The following ABCC9 variants were observed in gnomAD, a reference collection of about 807,000 sequenced individuals.
ABCC9 encodes ATP binding cassette subfamily C member 9, also known as ATP-binding cassette sub-family C member 9.
In ABCC9, 95 loss-of-function variants were observed where a neutral mutation model predicts 188.3. The observed-to-expected ratio is 0.50, with a 90% CI of 0.43 to 0.60. ABCC9 has a LOEUF of 0.60. Ranked by LOEUF, ABCC9 falls within the 20% of genes least tolerant of loss-of-function variation. The pLI is 0.00. For synonymous variants in ABCC9, 659 were observed against 652.7 expected, an observed-to-expected ratio of 1.01 and a Z score of -0.15; for missense variants, 1,102 against 1,876.3, an observed-to-expected ratio of 0.59 and a Z score of 7.62.
chr12:21,820,142 G>T (rs2544449), intron 31 of ABCC9, among the ~76,000 whole-genome samples: 152,288 of 152,288 alleles, frequency 1, 76,144 homozygotes, highest in Non-Finnish European at 1. Flanking sequence ...TATACATTTG[G>T]ATTTCCATAT....
At chr12:21,932,072 A>G (rs1949311788) in intron 4 of ABCC9, among the ~76,000 whole-genome samples, 1 of 152,140 alleles carries the variant, frequency 6.6e-6, no homozygotes, top group East Asian at 1.9e-4. Flanking sequence ...TTTCCTATCA[A>G]AAAATTTAAA....
chr12:21,938,497 C>G (rs1949580666), intron 2 of ABCC9, among the ~76,000 whole-genome samples: 1 of 152,070 alleles, frequency 6.6e-6, no homozygotes, highest in African/African-American at 2.4e-5. Context: ...CAGACAAAAA[C>G]AAAACTAAAA....
At chr12:21,911,574 TTTTG>T (rs765872440) in intron 8 of ABCC9, among the ~76,000 whole-genome samples, 1 of 152,004 alleles carries the variant, frequency 6.6e-6, no homozygotes, top group Non-Finnish European at 1.5e-5. Flanking sequence ...CAAAATTGAT[TTTTG>T]TTTGTAACAA....
chr12:21,827,742 A>G (rs1943471333), intron 31 of ABCC9, among the ~76,000 whole-genome samples: 1 of 152,212 alleles, frequency 6.6e-6, no homozygotes, highest in African/African-American at 2.4e-5. Context: ...CAACTGTCAC[A>G]GCTACCTGGA....
At chr12:21,818,061 C>T (rs1278496499) in intron 32 of ABCC9, 89 bp downstream of exon 32, 7 of 844,678 alleles carry the variant, frequency 8.3e-6, no homozygotes, top group African/African-American at 1.7e-5. Context: ...TCTCTGTGCT[C>T]ATGTGTTCTC....
At chr12:21,918,454 GA>G (rs1351550841) in intron 5 of ABCC9, among the ~76,000 whole-genome samples, 1 of 152,044 alleles carries the variant, frequency 6.6e-6, no homozygotes, top group Admixed American at 6.6e-5. Flanking sequence ...AAAACAAAGA[GA>G]AATGAATTTG....
intron 30 of ABCC9, 47 bp downstream of exon 30, chr12:21,838,031 G>T (rs1349036640): frequency 1.5e-6 from 2 of 1,375,394 alleles, no homozygotes; most frequent in Non-Finnish European, 2.1e-6. Context: ...AATATTTGTT[G>T]ATGATGTTAT....
rs139342267 is a variant in ABCC9, at chr12:21,835,920, C to T, written c.3566+2158G>A. ...AGACTCATGAACTCCTTCTCCAATCCTCCACATCATCTTCAATTTCCTAAC... is the reference window on the plus strand; with the variant it reads ...AGACTCATGAACTCCTTCTCCAATCTTCCACATCATCTTCAATTTCCTAAC... On this transcript the variant is annotated intron_variant, in intron 30 of 39. Transcript: ENST00000261200. 8.0e-4 allele frequency among the ~76,000 whole-genome samples: 122 copies of T among 152,288 alleles called. 1 individual carries two copies. The highest frequency in any genetic ancestry group is 2.9e-3 in the African/African-American group (120 of 41,564).
intron 31 of ABCC9, among the ~76,000 whole-genome samples, chr12:21,825,835 C>T (rs927308879): frequency 2.0e-5 from 3 of 151,968 alleles, no homozygotes; most frequent in Non-Finnish European, 2.9e-5. Context: ...GTTCGGAGAA[C>T]GTCCCAAATT....
chr12:21,936,836 C>T, intron 2 of ABCC9, 142 bp from the exon 3 acceptor site: 1 of 621,258 alleles, frequency 1.6e-6, no homozygotes, highest in Non-Finnish European at 2.7e-6. Flanking sequence ...AAACTCTGTG[C>T]CAAAGCAACT....
intron 12 of ABCC9, among the ~76,000 whole-genome samples, chr12:21,903,255 A>C (rs1481943346): frequency 1.3e-5 from 2 of 152,234 alleles, no homozygotes; most frequent in African/African-American, 4.8e-5. Flanking sequence ...AAATCTCAAT[A>C]AATTGGTATT....
chr12:21,922,573 C>G (rs924885119), intron 5 of ABCC9, among the ~76,000 whole-genome samples: 1 of 151,636 alleles, frequency 6.6e-6, no homozygotes, highest in African/African-American at 2.4e-5. Flanking sequence ...GTAAAGTTAA[C>G]AAGACATGAA....
intron 18 of ABCC9, among the ~76,000 whole-genome samples, chr12:21,864,915 T>A (rs1348144993): frequency 2.0e-5 from 3 of 152,132 alleles, no homozygotes; most frequent in Non-Finnish European, 2.9e-5. Flanking sequence ...GCAGAAATAC[T>A]TTTTGGGCAC....
At chr12:21,808,778 CAAAAAAA>C (rs34314026) in intron 37 of ABCC9, among the ~76,000 whole-genome samples, 23 of 80,496 alleles carry the variant, frequency 2.9e-4, no homozygotes, top group African/African-American at 8.5e-4. Context: ...GAACTTGTCT[CAAAAAAA>C]AAAAAAAAAA....
intron 22 of ABCC9, among the ~76,000 whole-genome samples, chr12:21,856,118 A>C (rs1156648539): frequency 1.3e-5 from 2 of 152,212 alleles, no homozygotes; most frequent in East Asian, 3.8e-4. Flanking sequence ...AGGTCACAGA[A>C]CTATCATTTA....
intron 18 of ABCC9, among the ~76,000 whole-genome samples, 175 bp from the exon 19 acceptor site, chr12:21,864,652 T>A (rs1435379311): frequency 9.9e-5 from 15 of 152,182 alleles, no homozygotes; most frequent in Non-Finnish European, 1.8e-4. Context: ...CTTCTTTATG[T>A]CTTCATCAGC....
chr12:21,901,067 A>G (rs949990853), intron 12 of ABCC9, among the ~76,000 whole-genome samples: 1 of 149,820 alleles, frequency 6.7e-6, no homozygotes, highest in African/African-American at 2.5e-5. Context: ...AGGTCGGGTT[A>G]CCCACAAAGA....
At chr12:21,925,897 A>C (rs770383540) in intron 5 of ABCC9, 45 bp downstream of exon 5, 3 of 1,583,948 alleles carry the variant, frequency 1.9e-6, no homozygotes, top group South Asian at 1.1e-5. Flanking sequence ...GGGGGGAAAA[A>C]CAAATATCTC....
intron 3 of ABCC9, among the ~76,000 whole-genome samples, chr12:21,934,613 C>T (rs1395312046): frequency 6.7e-6 from 1 of 149,912 alleles, no homozygotes; most frequent in African/African-American, 2.4e-5. Context: ...AGTTTAGTTA[C>T]TACGTAGAGT....
Sources: allele counts gnomAD v4.1 joint callset (sites outside exome capture counted in the v4.1 genomes callset), GRCh38; gene constraint gnomAD v4.1.1; transcripts MANE v1.5; gene names NCBI Gene and HGNC (gene_info 2026-07-23, HGNC 2026-07-21).